PEX14: variants seen among roughly 807,000 people sequenced by gnomAD.
The protein encoded by PEX14 is peroxisomal biogenesis factor 14.
In PEX14, 15 loss-of-function variants were observed where a neutral mutation model predicts 49.5. The ratio of observed to expected loss-of-function variants is 0.30; its 90% CI spans 0.20 to 0.47. PEX14 has a LOEUF of 0.47. PEX14 is among the 20% of genes least tolerant of loss of function. PEX14 has a pLI of 1.00. For synonymous variants in PEX14, 210 were observed against 212.7 expected (o/e 0.99, Z 0.11); for missense variants, 398 against 494.8 (o/e 0.80, Z 1.86).
At position 10,627,269 on chromosome 1, in the gene PEX14, C is replaced by T; in HGVS notation, c.586-3C>T. On this transcript the variant is annotated splice_polypyrimidine_tract_variant and splice_region_variant and intron_variant, in intron 7 of 8. Transcript: ENST00000356607. ...CCTGAGCCTCCCTGTGCTCTGCTTT[C>T]AGGCCACCACATCCACCAACTGGAT... 4 of 1,611,596 alleles carry T rather than the reference C, an allele frequency of 2.5e-6. No homozygotes were observed. In the South Asian group the frequency reaches 4.4e-5, roughly 18 times the overall value.
In PEX14 at chr1:10,630,123, C is replaced by CCACCA; in HGVS notation, c.*136_*137insCACCA. The CCACCA allele has an allele frequency of 1.5e-6, 2 of 1,364,504 alleles. No homozygotes were observed. Among genetic ancestry groups the CCACCA allele is most frequent in the Non-Finnish European group, 2.0e-6 (2 of 1,013,818 alleles). The allele number at this position is 1,364,504 out of a possible 1,614,324, so 84.5% of individuals were successfully genotyped here. On this transcript the variant is annotated 3_prime_UTR_variant, in exon 9 of 9. Coordinates refer to ENST00000356607, the MANE Select transcript of PEX14 (RefSeq NM_004565.3). This position sits in a 1 kb window ranked among gnomAD's most constrained non-coding sequence, Gnocchi z 4.1. ...GGCAGAGCTGTCCTCAGCTGCACTG[C>CCACCA]GGCCTGGTGGCAGTGTGGGGAGTCA... is the stretch of plus-strand genomic sequence containing the variant.
Position 10,613,334 on chromosome 1 carries a change from G to A in PEX14, c.299-4998G>A, listed in dbSNP as rs556667839. Reference sequence around the variant, plus strand: ...GTGGGGATGCACCTCTCCTGCCCCCGCTCTACCATGGTTTTACCCAAACTG... The same window carrying A: ...GTGGGGATGCACCTCTCCTGCCCCCACTCTACCATGGTTTTACCCAAACTG... On this transcript the variant is annotated intron_variant, in intron 4 of 8. Coordinates refer to ENST00000356607, the MANE Select transcript of PEX14 (RefSeq NM_004565.3). The surrounding 1 kb of genome is among the most constrained non-coding windows in gnomAD (Gnocchi z 5.0). Among the ~76,000 whole-genome samples the A allele has an allele frequency of 9.8e-5, 15 of 152,304 alleles. No individual in the cohort carries two copies. The highest frequency in any genetic ancestry group is 3.4e-4 in the African/African-American group (14 of 41,572).
intron 3 of PEX14, among the ~76,000 whole-genome samples, chr1:10,544,464 G>A (rs1283216589): frequency 2.6e-5 from 4 of 152,192 alleles, no homozygotes; most frequent in Non-Finnish European, 5.9e-5. Context: ...GAGGGTGTGT[G>A]TGGCAAAGGG....
At chr1:10,500,181 T>C (rs1407786792) in intron 2 of PEX14, among the ~76,000 whole-genome samples, 2 of 150,738 alleles carry the variant, frequency 1.3e-5, no homozygotes, top group African/African-American at 2.4e-5. Context: ...GGCGGGTGGA[T>C]CACCTGAGGT....
chr1:10,606,407 C>T (rs1303976934), intron 4 of PEX14, among the ~76,000 whole-genome samples: 2 of 152,346 alleles, frequency 1.3e-5, no homozygotes, highest in Middle Eastern at 3.4e-3. Context: ...TTGGCTGGAT[C>T]TTGCATGGCT....
At chr1:10,563,173 C>T (rs962271920) in intron 3 of PEX14, among the ~76,000 whole-genome samples, 1 of 150,286 alleles carries the variant, frequency 6.7e-6, no homozygotes, top group Non-Finnish European at 1.5e-5. Flanking sequence ...ACCTTGGCCT[C>T]CCAAAGTGTT....
intron 4 of PEX14, among the ~76,000 whole-genome samples, chr1:10,614,449 G>GTT (rs1469794342): frequency 0.01 from 1,579 of 152,264 alleles, 32 homozygotes; most frequent in African/African-American, 0.036. Context: ...TGTTTCTTGG[G>GTT]GCTGGAATAG....
intron 3 of PEX14, among the ~76,000 whole-genome samples, chr1:10,554,133 C>CAAAAAAA (rs33963510): frequency 4.5e-5 from 5 of 111,058 alleles, no homozygotes; most frequent in Non-Finnish European, 5.4e-5. Flanking sequence ...ACTAAAAATA[C>CAAAAAAA]AAAAAAAAAA....
At chr1:10,553,701 C>T (rs1026650719) in intron 3 of PEX14, among the ~76,000 whole-genome samples, 2 of 152,198 alleles carry the variant, frequency 1.3e-5, no homozygotes, top group Non-Finnish European at 2.9e-5. Flanking sequence ...TGGGCCGCTA[C>T]TCCCACCTTC....
intron 4 of PEX14, among the ~76,000 whole-genome samples, chr1:10,606,889 C>T (rs1017796609): frequency 4.6e-5 from 7 of 152,092 alleles, no homozygotes; most frequent in South Asian, 4.1e-4. Flanking sequence ...ATGTAATTTA[C>T]GTAAAATAAA....
intron 3 of PEX14, 146 bp downstream of exon 3, chr1:10,536,443 C>T (rs1406668924): frequency 2.9e-6 from 2 of 681,282 alleles, no homozygotes; most frequent in Admixed American, 2.3e-5. Context: ...GGCGAACCCC[C>T]CAGTGGGGCA....
At chr1:10,618,641 A>G (rs925242578) in intron 5 of PEX14, among the ~76,000 whole-genome samples, 1 of 148,618 alleles carries the variant, frequency 6.7e-6, no homozygotes, top group African/African-American at 2.5e-5. Context: ...AGTGCTCAGC[A>G]TATACCACCC....
At chr1:10,542,489 C>T (rs1450771047) in intron 3 of PEX14, among the ~76,000 whole-genome samples, 1 of 152,186 alleles carries the variant, frequency 6.6e-6, no homozygotes, top group South Asian at 2.1e-4. Context: ...CGGCTGGGCG[C>T]GGTGGCTCAC....
intron 1 of PEX14, among the ~76,000 whole-genome samples, chr1:10,492,232 A>T (rs2124396177): frequency 6.6e-6 from 1 of 152,320 alleles, no homozygotes. Context: ...TATTCAAGGG[A>T]TGAACTAATT....
At chr1:10,573,473 GA>G (rs1640038277) in intron 3 of PEX14, among the ~76,000 whole-genome samples, 3 of 152,156 alleles carry the variant, frequency 2.0e-5, no homozygotes. Flanking sequence ...AGCATTTCCA[GA>G]GCGTTAATAA....
rs1274086302 is a variant in PEX14 at position 10,629,763 on chromosome 1, G to A, written c.910G>A (p.Asp304Asn). Residue 304 changes from aspartate (D) to asparagine (N), a missense_variant, in exon 9 of 9, where the codon GAC becomes AAC. By Grantham distance (23) the Asp-to-Asn change is conservative. Transcript: ENST00000356607. The surrounding 1 kb of genome is among the most constrained non-coding windows in gnomAD (Gnocchi z 8.5). ...GPQEEGEGVV[D>N]VKGQVRMEVQ... ...CCAGGAGGAAGGCGAGGGGGTGGTG[G>A]ACGTCAAGGGCCAGGTGCGGATGGA... 6.3e-7 allele frequency: 1 copy of A among 1,584,856 alleles called. No homozygotes were observed. The highest frequency in any genetic ancestry group is 1.1e-5 in the South Asian group (1 of 88,032).
chr1:10,516,267 A>C (rs2124444717), intron 2 of PEX14, among the ~76,000 whole-genome samples: 1 of 152,292 alleles, frequency 6.6e-6, no homozygotes, highest in Admixed American at 6.5e-5. Flanking sequence ...TTATAGTCCA[A>C]ATCACAGATG....
At chr1:10,606,309 C>T (rs900324594) in intron 4 of PEX14, among the ~76,000 whole-genome samples, 1 of 152,218 alleles carries the variant, frequency 6.6e-6, no homozygotes, top group African/African-American at 2.4e-5. Context: ...GTCCAGCCAG[C>T]GAGAGCGGGG....
chr1:10,542,589 G>A (rs1318325862), intron 3 of PEX14, among the ~76,000 whole-genome samples: 2 of 152,086 alleles, frequency 1.3e-5, no homozygotes, highest in Non-Finnish European at 2.9e-5. Context: ...GTGAAACCCC[G>A]TCTCTACTAA....
Sources: gnomAD v4.1 joint callset for allele counts (sites outside exome capture counted in the v4.1 genomes callset) on GRCh38, gnomAD v4.1.1 for gene constraint, Gnocchi (gnomAD v3.1) non-coding constraint, MANE v1.5 for transcripts, NCBI Gene and HGNC (gene_info 2026-07-23, HGNC 2026-07-21) for gene names.